The following EYS variants were observed in gnomAD, a reference collection of about 807,000 sequenced individuals.
EYS encodes the protein EGF-like photoreceptor maintenance factor, also known as protein eyes shut homolog.
A neutral mutation model predicts 282.1 loss-of-function variants in EYS; 250 were observed. The ratio of observed to expected loss-of-function variants is 0.89; its 90% CI spans 0.80 to 0.98. EYS has a LOEUF of 0.98. Among genes scored for constraint, EYS ranks in the 50% least tolerant of loss-of-function variants. The pLI, the probability that EYS is intolerant of heterozygous loss-of-function variation, is 0.00. For missense variants in EYS, 4,016 were observed against 3,709.0 expected, an observed-to-expected ratio of 1.08 and a Z score of -2.15; for synonymous variants, 1,355 against 1,282.9, an observed-to-expected ratio of 1.06 and a Z score of -1.20.
At chr6:64,101,471 T>G (rs1033057526) in intron 31 of EYS, among the ~76,000 whole-genome samples, 12 of 151,652 alleles carry the variant, frequency 7.9e-5, no homozygotes, top group African/African-American at 2.9e-4. Context: ...TGCATGCACA[T>G]AAAAGCAAAA....
intron 7 of EYS, among the ~76,000 whole-genome samples, chr6:65,388,340 A>T (rs756431344): frequency 1.3e-5 from 2 of 152,160 alleles, no homozygotes; most frequent in Non-Finnish European, 2.9e-5. Context: ...AGAGAAAATT[A>T]TAAATACATG....
chr6:64,636,648 C>G (rs1767991245), intron 22 of EYS, among the ~76,000 whole-genome samples: 1 of 152,044 alleles, frequency 6.6e-6, no homozygotes, highest in Non-Finnish European at 1.5e-5. Flanking sequence ...TCAGAGTGAA[C>G]AGGCAACCTA....
intron 35 of EYS, among the ~76,000 whole-genome samples, chr6:63,935,257 A>G (rs1363715530): frequency 6.6e-6 from 1 of 152,228 alleles, no homozygotes; most frequent in Non-Finnish European, 1.5e-5. Flanking sequence ...AGCCTGATAC[A>G]TAGCATGCTC....
intron 36 of EYS, among the ~76,000 whole-genome samples, chr6:63,837,381 C>T (rs1480829423): frequency 6.6e-6 from 1 of 151,882 alleles, no homozygotes; most frequent in Non-Finnish European, 1.5e-5. Flanking sequence ...TAAAATGAGG[C>T]AGCTTATCTC....
chr6:65,651,822 G>A (rs957679214), intron 1 of EYS, among the ~76,000 whole-genome samples: 1 of 151,814 alleles, frequency 6.6e-6, no homozygotes, highest in Non-Finnish European at 1.5e-5. Flanking sequence ...TTAATCCAAG[G>A]TATATTTTCA....
At chr6:64,197,632 AT>A (rs762941655) in intron 31 of EYS, among the ~76,000 whole-genome samples, 1 of 151,838 alleles carries the variant, frequency 6.6e-6, no homozygotes, top group Non-Finnish European at 1.5e-5. Context: ...GCTTGCTGCT[AT>A]TTTTTTATTT....
chr6:64,761,086 A>G (rs1773141633), intron 22 of EYS, among the ~76,000 whole-genome samples: 1 of 152,172 alleles, frequency 6.6e-6, no homozygotes, highest in African/African-American at 2.4e-5. Context: ...TCGTAACTCT[A>G]CTTGAATTCA....
At chr6:65,359,911 T>C (rs551668711) in intron 8 of EYS, among the ~76,000 whole-genome samples, 2 of 152,068 alleles carry the variant, frequency 1.3e-5, no homozygotes, top group South Asian at 2.1e-4. Flanking sequence ...AAATAAAAAT[T>C]ATAGAATTTT....
chr6:64,886,970 T>A, intron 18 of EYS, 128 bp from the exon 19 acceptor site: 1 of 651,664 alleles, frequency 1.5e-6, no homozygotes, highest in Non-Finnish European at 2.4e-6. Context: ...ATGTATTTCA[T>A]TTTTTTCTTT....
intron 40 of EYS, among the ~76,000 whole-genome samples, chr6:63,768,695 A>G (rs1245617485): frequency 1.3e-5 from 2 of 152,118 alleles, no homozygotes; most frequent in Non-Finnish European, 2.9e-5. Flanking sequence ...TAGAACGACC[A>G]TTCAACCCAG....
At chr6:64,886,884 G>A (rs1428715233) in intron 18 of EYS, 42 bp from the exon 19 acceptor site, 4 of 1,216,744 alleles carry the variant, frequency 3.3e-6, no homozygotes, top group Non-Finnish European at 4.5e-6. Flanking sequence ...ATGTAACAAT[G>A]ATAATCATTT....
At chr6:64,926,865 G>A (rs1768534164) in intron 15 of EYS, among the ~76,000 whole-genome samples, 1 of 152,120 alleles carries the variant, frequency 6.6e-6, no homozygotes, top group South Asian at 2.1e-4. Flanking sequence ...CCTATACCAA[G>A]ACATACGTTA....
intron 41 of EYS, among the ~76,000 whole-genome samples, chr6:63,737,877 A>G (rs1582157352): frequency 1.3e-5 from 2 of 151,350 alleles, no homozygotes; most frequent in Admixed American, 1.3e-4. Context: ...ATGAACTCAA[A>G]CAAATTTACA....
intron 36 of EYS, among the ~76,000 whole-genome samples, chr6:63,850,329 C>A (rs989507274): frequency 6.6e-6 from 1 of 151,874 alleles, no homozygotes; most frequent in Admixed American, 6.6e-5. Flanking sequence ...ACAGAGAACA[C>A]CAATAAGATA....
At chr6:64,044,226 G>A (rs1770520906) in intron 33 of EYS, among the ~76,000 whole-genome samples, 1 of 152,142 alleles carries the variant, frequency 6.6e-6, no homozygotes, top group Admixed American at 6.5e-5. Context: ...TTATGCTGTT[G>A]CAGGTCCTAC....
intron 2 of EYS, among the ~76,000 whole-genome samples, chr6:65,523,763 T>C (rs148924061): frequency 3.9e-5 from 6 of 152,226 alleles, no homozygotes; most frequent in African/African-American, 1.4e-4. Flanking sequence ...ACATCAGGGG[T>C]AGTCTACGTT....
chr6:64,960,809 C>A (rs910193258), intron 14 of EYS, among the ~76,000 whole-genome samples: 4 of 152,140 alleles, frequency 2.6e-5, no homozygotes, highest in African/African-American at 9.7e-5. Context: ...CCTACTGCCA[C>A]CCACCACCCT....
chr6:63,975,960 A>G (rs1766816957), intron 35 of EYS, among the ~76,000 whole-genome samples: 1 of 152,026 alleles, frequency 6.6e-6, no homozygotes, highest in African/African-American at 2.4e-5. Context: ...GCGATACAGT[A>G]TGGTCTATTG....
chr6:63,816,025 A>C (rs1211616837), intron 36 of EYS, among the ~76,000 whole-genome samples: 1 of 152,182 alleles, frequency 6.6e-6, no homozygotes, highest in Non-Finnish European at 1.5e-5. Flanking sequence ...TACTAGAAGA[A>C]GGCAGTGGCA....
Sources: allele counts gnomAD v4.1 joint callset (sites outside exome capture counted in the v4.1 genomes callset), GRCh38; gene constraint gnomAD v4.1.1; transcripts MANE v1.5; gene names NCBI Gene and HGNC (gene_info 2026-07-23, HGNC 2026-07-21).